The following STXBP6 variants were observed in gnomAD, a reference collection of about 807,000 sequenced individuals.
The protein encoded by STXBP6 is syntaxin-binding protein 6.
In STXBP6, 21 loss-of-function variants were observed where a neutral mutation model predicts 26.9. The observed-to-expected ratio is 0.78, with a 90% CI of 0.55 to 1.12. The LOEUF is 1.12. STXBP6 is among the 50% of genes most tolerant of loss of function. The probability of loss-of-function intolerance (pLI) is 0.00; values close to 1 mark genes in which losing one functional copy is unlikely to be tolerated. For synonymous variants in STXBP6, 97 were observed against 92.6 expected, an observed-to-expected ratio of 1.05 and a Z score of -0.27; for missense variants, 232 against 257.9, an observed-to-expected ratio of 0.90 and a Z score of 0.69.
intron 1 of STXBP6, among the ~76,000 whole-genome samples, chr14:25,038,301 A>G (rs2075587749): frequency 6.6e-6 from 1 of 152,208 alleles, no homozygotes; most frequent in Non-Finnish European, 1.5e-5. Flanking sequence ...GCCACACTGG[A>G]GAACTGGCTG....
chr14:25,033,940 T>C (rs889490438), intron 1 of STXBP6, among the ~76,000 whole-genome samples: 9 of 152,306 alleles, frequency 5.9e-5, no homozygotes, highest in African/African-American at 2.2e-4. Context: ...TGCAGGTATA[T>C]GGCCCTGCAG....
intron 2 of STXBP6, among the ~76,000 whole-genome samples, chr14:24,898,689 A>C (rs1021026610): frequency 6.6e-6 from 1 of 152,104 alleles, no homozygotes; most frequent in Non-Finnish European, 1.5e-5. Flanking sequence ...AAAAAACAAA[A>C]CAAAACAAAA....
At chr14:24,926,486 T>G (rs2139854171) in intron 2 of STXBP6, among the ~76,000 whole-genome samples, 1 of 152,262 alleles carries the variant, frequency 6.6e-6, no homozygotes, top group Admixed American at 6.5e-5. Flanking sequence ...GAGTCAAAAT[T>G]TCACATATTT....
chr14:24,971,267 G>A (rs182474464), intron 2 of STXBP6, among the ~76,000 whole-genome samples: 402 of 152,220 alleles, frequency 2.6e-3, no homozygotes, highest in Non-Finnish European at 4.4e-3. Flanking sequence ...AAGAGACATT[G>A]GATATATATG....
intron 1 of STXBP6, among the ~76,000 whole-genome samples, chr14:24,997,572 T>C (rs1450746657): frequency 3.3e-5 from 5 of 152,248 alleles, no homozygotes; most frequent in Admixed American, 3.3e-4. Context: ...AGTCTTATCA[T>C]GCACCTTTGT....
chr14:24,984,348 A>C (rs1336039195), intron 1 of STXBP6, among the ~76,000 whole-genome samples: 2 of 152,224 alleles, frequency 1.3e-5, no homozygotes, highest in Non-Finnish European at 2.9e-5. Context: ...AGTTTGAGTA[A>C]GTTTTCTGTA....
rs944144835 is a variant in STXBP6, at chr14:24,997,794, T to C, written c.-32-22944A>G. On this transcript the variant is annotated intron_variant, in intron 1 of 5. Transcript: ENST00000323944. Reference sequence around the variant, plus strand: ...TTCCTATGAATATATAATTCACACATATGGAAAATTCAATGGAACATTATT... The same window carrying C: ...TTCCTATGAATATATAATTCACACACATGGAAAATTCAATGGAACATTATT... Among the ~76,000 whole-genome samples, 11 of 152,184 alleles carry C rather than the reference T, an allele frequency of 7.2e-5. 1 individual carries two copies. Among genetic ancestry groups the C allele is most frequent in the Admixed American group, 5.2e-4 (8 of 15,276 alleles).
chr14:24,850,386 C>A (rs1027453641), intron 4 of STXBP6, among the ~76,000 whole-genome samples: 2 of 152,090 alleles, frequency 1.3e-5, no homozygotes, highest in African/African-American at 2.4e-5. Flanking sequence ...GGGCTTTATA[C>A]TATCATCTGA....
intron 2 of STXBP6, among the ~76,000 whole-genome samples, chr14:24,871,412 G>A (rs891572532): frequency 2.0e-5 from 3 of 152,162 alleles, no homozygotes; most frequent in South Asian, 2.1e-4. Context: ...AAGGTGTTGC[G>A]TGAAGTCTGT....
At chr14:24,898,921 A>G (rs2071100844) in intron 2 of STXBP6, among the ~76,000 whole-genome samples, 1 of 152,224 alleles carries the variant, frequency 6.6e-6, no homozygotes, top group African/African-American at 2.4e-5. Context: ...AAGAATTTCT[A>G]TACTCAGAGG....
At chr14:24,976,260 A>G (rs918361563) in intron 1 of STXBP6, among the ~76,000 whole-genome samples, 2 of 152,220 alleles carry the variant, frequency 1.3e-5, no homozygotes, top group Admixed American at 1.3e-4. Context: ...TGCTACCCAC[A>G]CAACTGTTTA....
intron 1 of STXBP6, among the ~76,000 whole-genome samples, chr14:25,008,878 G>A (rs376763662): frequency 6.6e-6 from 1 of 152,088 alleles, no homozygotes. Context: ...ATCCCAAAAC[G>A]AAGAGTCACT....
intron 5 of STXBP6, among the ~76,000 whole-genome samples, chr14:24,813,094 G>T (rs531283494): frequency 6.6e-6 from 1 of 152,242 alleles, no homozygotes; most frequent in South Asian, 2.1e-4. Flanking sequence ...CAGCTATTCA[G>T]GAGAAGCAAC....
chr14:25,035,029 T>C (rs1224054766), intron 1 of STXBP6, among the ~76,000 whole-genome samples: 2 of 151,586 alleles, frequency 1.3e-5, no homozygotes, highest in South Asian at 2.1e-4. Flanking sequence ...CGTGCACCTA[T>C]AATCCCAGCT....
intron 1 of STXBP6, among the ~76,000 whole-genome samples, chr14:25,031,265 C>T (rs1168140141): frequency 2.6e-5 from 4 of 152,042 alleles, no homozygotes; most frequent in Admixed American, 1.3e-4. Context: ...TAATATGAAA[C>T]GTCTTAGAAA....
intron 4 of STXBP6, among the ~76,000 whole-genome samples, chr14:24,843,887 CTT>C (rs927615319): frequency 3.9e-5 from 6 of 152,146 alleles, no homozygotes; most frequent in Admixed American, 3.9e-4. Context: ...AGAGTAGTAT[CTT>C]TTGTTATTTG....
chr14:24,882,659 C>G (rs1244499083), intron 2 of STXBP6, among the ~76,000 whole-genome samples: 1 of 152,142 alleles, frequency 6.6e-6, no homozygotes, highest in Non-Finnish European at 1.5e-5. Flanking sequence ...TCTTCTAGTT[C>G]ACTACCCCAC....
intron 2 of STXBP6, among the ~76,000 whole-genome samples, chr14:24,951,938 A>G (rs534276808): frequency 1.3e-5 from 2 of 151,942 alleles, no homozygotes; most frequent in South Asian, 4.1e-4. Flanking sequence ...TGGGAAAGCT[A>G]AAACCCAAGT....
At chr14:24,876,894 G>T (rs2070165963) in intron 2 of STXBP6, among the ~76,000 whole-genome samples, 1 of 152,178 alleles carries the variant, frequency 6.6e-6, no homozygotes, top group South Asian at 2.1e-4. Flanking sequence ...CAGTTAAGTA[G>T]TGTTTTGAGC....
Sources: allele counts gnomAD v4.1 joint callset (sites outside exome capture counted in the v4.1 genomes callset), GRCh38; gene constraint gnomAD v4.1.1; transcripts MANE v1.5; gene names NCBI Gene and HGNC (gene_info 2026-07-23, HGNC 2026-07-21).